Variants in DIAPH3 observed in about 807,000 individuals in gnomAD.
DIAPH3 encodes protein diaphanous homolog 3.
In DIAPH3, 117 loss-of-function variants were observed where a neutral mutation model predicts 144.3. That is an observed-to-expected ratio of 0.81 (90% confidence interval 0.70 to 0.95). DIAPH3 has a LOEUF of 0.95. Ranked by LOEUF, DIAPH3 falls within the 40% of genes least tolerant of loss-of-function variation. The pLI, the probability that DIAPH3 is intolerant of heterozygous loss-of-function variation, is 0.00. For synonymous variants in DIAPH3, 519 were observed against 488.9 expected, an observed-to-expected ratio of 1.06 and a Z score of -0.81; for missense variants, 1,421 against 1,412.7, an observed-to-expected ratio of 1.01 and a Z score of -0.09.
At chr13:59,774,080 T>C (rs2038260997) in intron 27 of DIAPH3, 109 bp downstream of exon 27, 1 of 1,110,186 alleles carries the variant, frequency 9.0e-7, no homozygotes, top group African/African-American at 1.6e-5. Context: ...ATTTTTACTA[T>C]TTTAGTTATA....
chr13:59,825,281 T>C (rs542048288), intron 24 of DIAPH3, among the ~76,000 whole-genome samples: 216 of 152,002 alleles, frequency 1.4e-3, no homozygotes, highest in African/African-American at 4.7e-3. Context: ...AGTGAGAACA[T>C]ATGGTGTTTG....
chr13:60,029,074 AT>A (rs1170259804), intron 5 of DIAPH3, among the ~76,000 whole-genome samples: 1 of 147,902 alleles, frequency 6.8e-6, no homozygotes, highest in Non-Finnish European at 1.5e-5. Flanking sequence ...AAAAGGGGGG[AT>A]TTTTTTTCTT....
At chr13:59,679,424 C>T (rs1210084839) in intron 27 of DIAPH3, among the ~76,000 whole-genome samples, 1 of 152,140 alleles carries the variant, frequency 6.6e-6, no homozygotes, top group Non-Finnish European at 1.5e-5. Flanking sequence ...TCAGCAGGGA[C>T]TGTTTCCTCA....
At chr13:60,122,189 G>C (rs2058864069) in intron 2 of DIAPH3, among the ~76,000 whole-genome samples, 1 of 152,088 alleles carries the variant, frequency 6.6e-6, no homozygotes, top group Non-Finnish European at 1.5e-5. Context: ...ACCTTACACT[G>C]TATGATCTAG....
chr13:59,795,616 G>A (rs183123136), intron 25 of DIAPH3, among the ~76,000 whole-genome samples: 12 of 152,072 alleles, frequency 7.9e-5, no homozygotes, highest in Admixed American at 3.3e-4. Context: ...ACCATTCCAG[G>A]CTATTTTTTT....
At chr13:59,768,708 A>T (rs2037975550) in intron 27 of DIAPH3, among the ~76,000 whole-genome samples, 1 of 152,170 alleles carries the variant, frequency 6.6e-6, no homozygotes, top group South Asian at 2.1e-4. Flanking sequence ...CTCTGACTTC[A>T]AATCAGAGTG....
intron 9 of DIAPH3, among the ~76,000 whole-genome samples, chr13:59,997,471 A>G (rs1018798684): frequency 6.6e-6 from 1 of 152,084 alleles, no homozygotes; most frequent in Non-Finnish European, 1.5e-5. Flanking sequence ...GGTTTATTCC[A>G]TATCTTTGCT....
intron 27 of DIAPH3, among the ~76,000 whole-genome samples, chr13:59,702,225 G>A (rs2055201): frequency 6.6e-6 from 1 of 152,134 alleles, no homozygotes; most frequent in Non-Finnish European, 1.5e-5. Context: ...CTGCATTTGT[G>A]AGATGAAGAA....
At chr13:59,676,344 G>C (rs985619656) in intron 27 of DIAPH3, among the ~76,000 whole-genome samples, 1 of 152,148 alleles carries the variant, frequency 6.6e-6, no homozygotes, top group Non-Finnish European at 1.5e-5. Flanking sequence ...TCCAGTGTTT[G>C]TTTCCCTGAA....
intron 27 of DIAPH3, among the ~76,000 whole-genome samples, chr13:59,703,837 CAA>C (rs1377246584): frequency 2.0e-5 from 3 of 151,888 alleles, no homozygotes; most frequent in Non-Finnish European, 4.4e-5. Context: ...ATTAAAAAAA[CAA>C]AATATAAAAA....
At chr13:60,044,323 AT>A (rs2055909957) in intron 4 of DIAPH3, 1 of 152,206 alleles carries the variant, frequency 6.6e-6, no homozygotes, top group African/African-American at 2.4e-5. Context: ...TCAAAACAAC[AT>A]TCCCAATAAA....
At chr13:59,720,529 G>A (rs2035290485) in intron 27 of DIAPH3, among the ~76,000 whole-genome samples, 1 of 152,022 alleles carries the variant, frequency 6.6e-6, no homozygotes, top group South Asian at 2.1e-4. Context: ...GTAAAACCGA[G>A]AATTTTATCA....
intron 4 of DIAPH3, among the ~76,000 whole-genome samples, chr13:60,072,627 C>G (rs774436917): frequency 2.0e-5 from 3 of 152,044 alleles, no homozygotes; most frequent in Non-Finnish European, 4.4e-5. Context: ...CCTCATACTG[C>G]TTACTATAAG....
intron 1 of DIAPH3, among the ~76,000 whole-genome samples, chr13:60,146,693 C>A (rs1221825537): frequency 6.6e-6 from 1 of 152,220 alleles, no homozygotes; most frequent in East Asian, 1.9e-4. Flanking sequence ...CTTGGAAATC[C>A]TCCAACAATG....
chr13:59,681,917 G>T (rs2032972117), intron 27 of DIAPH3, among the ~76,000 whole-genome samples: 1 of 152,142 alleles, frequency 6.6e-6, no homozygotes, highest in African/African-American at 2.4e-5. Flanking sequence ...TGTAAAAGAA[G>T]CAGGAAGTAT....
Position 59,796,605 on chromosome 13 carries a change from T to C in DIAPH3, c.3163+14183A>G, listed in dbSNP as rs187890126. On this transcript the variant is annotated intron_variant, in intron 25 of 27. Coordinates refer to ENST00000400324, the MANE Select transcript of DIAPH3 (RefSeq NM_001042517.2). The stretch of plus-strand genomic sequence containing the variant: ...AGAGTTGTCCATATACATACACACA[T>C]ATGTGCATACAGATATATTTCCCTA... 4.2e-3 allele frequency among the ~76,000 whole-genome samples: 639 copies of C among 152,328 alleles called. 3 individuals are homozygous for C. The highest frequency in any genetic ancestry group is 9.3e-3 in the South Asian group (45 of 4,826).
At chr13:59,930,728 A>C (rs1478919107) in intron 17 of DIAPH3, among the ~76,000 whole-genome samples, 1 of 152,196 alleles carries the variant, frequency 6.6e-6, no homozygotes, top group Non-Finnish European at 1.5e-5. Context: ...AGACATCAGG[A>C]TAACTATATT....
chr13:59,763,167 C>G (rs2037689870), intron 27 of DIAPH3, among the ~76,000 whole-genome samples: 1 of 152,022 alleles, frequency 6.6e-6, no homozygotes. Context: ...TTTTCCATAT[C>G]CAAGGGATCC....
intron 17 of DIAPH3, among the ~76,000 whole-genome samples, chr13:59,963,748 A>G (rs1240382184): frequency 1.3e-5 from 2 of 152,188 alleles, no homozygotes; most frequent in East Asian, 3.9e-4. Flanking sequence ...TTGTAGAGAC[A>G]GGTCTCAATA....
Sources: gnomAD v4.1 joint callset for allele counts (sites outside exome capture counted in the v4.1 genomes callset) on GRCh38, gnomAD v4.1.1 for gene constraint, MANE v1.5 for transcripts, NCBI Gene and HGNC (gene_info 2026-07-23, HGNC 2026-07-21) for gene names.